Variants in SERINC5 observed in about 807,000 individuals in gnomAD.
SERINC5 encodes the protein serine incorporator 5, also known as chromosome 5 open reading frame 12.
Under a neutral mutation model 63.1 loss-of-function variants are expected in SERINC5, and 41 were observed. The ratio of observed to expected loss-of-function variants is 0.65; its 90% CI spans 0.51 to 0.84. SERINC5 has a LOEUF of 0.84. Ranked by LOEUF, SERINC5 falls within the 40% of genes least tolerant of loss-of-function variation. SERINC5 has a pLI of 0.00. For synonymous variants in SERINC5, 222 were observed against 215.2 expected (o/e 1.03, Z -0.28); for missense variants, 523 against 573.0 (o/e 0.91, Z 0.89).
chr5:80,247,423 A>C (rs1752213710), intron 1 of SERINC5, among the ~76,000 whole-genome samples: 1 of 152,192 alleles, frequency 6.6e-6, no homozygotes, highest in East Asian at 1.9e-4. Flanking sequence ...TTTAATTAGC[A>C]CAGAGAGATG....
In SERINC5 at chr5:80,165,640, C is replaced by T. The variant is rs559430750; in HGVS notation, c.859+743G>A. 3.3e-5 allele frequency among the ~76,000 whole-genome samples: 5 copies of T among 152,278 alleles called. No homozygotes were observed. The East Asian group carries it at 9.6e-4, about 29-fold the overall frequency. The stretch of plus-strand genomic sequence containing the variant: ...CTCTGTAAATAAATGTCATTTAAGA[C>T]GAGTGGTTTGAGGTCACATAGCCAG... On this transcript the variant is annotated intron_variant, in intron 7 of 11. Coordinates refer to ENST00000507668, the MANE Select transcript of SERINC5 (RefSeq NM_001174072.3).
chr5:80,208,496 A>G (rs1750279286), intron 1 of SERINC5, among the ~76,000 whole-genome samples: 1 of 152,182 alleles, frequency 6.6e-6, no homozygotes, highest in Admixed American at 6.5e-5. Flanking sequence ...GTGAAGTCAC[A>G]GTGGCAACAC....
intron 1 of SERINC5, among the ~76,000 whole-genome samples, chr5:80,227,488 C>G (rs1751220621): frequency 1.3e-5 from 2 of 151,822 alleles, no homozygotes; most frequent in South Asian, 4.2e-4. Context: ...CAGCCGGGAG[C>G]AGCGGCTCAC....
intron 12 of SERINC5, among the ~76,000 whole-genome samples, chr5:80,113,135 C>CT (rs1188495400): frequency 3.3e-5 from 5 of 152,210 alleles, no homozygotes; most frequent in South Asian, 2.1e-4. Flanking sequence ...CCTATAATCT[C>CT]TTTTTTTCCT....
intron 1 of SERINC5, among the ~76,000 whole-genome samples, chr5:80,237,199 G>C (rs11738314): frequency 0.35 from 52,879 of 152,148 alleles, 10,046 homozygotes; most frequent in East Asian, 0.53. Context: ...TAAAGGCAGG[G>C]GCAGTGTTTT....
chr5:80,252,901 A>C (rs1752493777), intron 1 of SERINC5, among the ~76,000 whole-genome samples: 1 of 152,208 alleles, frequency 6.6e-6, no homozygotes, highest in South Asian at 2.1e-4. Flanking sequence ...TCCGCAGTTA[A>C]AGAAAGTCAC....
At chr5:80,225,370 C>T (rs1011833694) in intron 1 of SERINC5, among the ~76,000 whole-genome samples, 9 of 152,150 alleles carry the variant, frequency 5.9e-5, no homozygotes, top group Admixed American at 4.6e-4. Context: ...CAGGTGACTC[C>T]TAAGTCCATT....
intron 8 of SERINC5, among the ~76,000 whole-genome samples, chr5:80,154,127 A>C (rs1207455271): frequency 6.6e-6 from 1 of 152,068 alleles, no homozygotes; most frequent in Non-Finnish European, 1.5e-5. Context: ...CCCAAAGGAG[A>C]CCTGAGCTCT....
chr5:80,202,099 G>A (rs747143200), intron 2 of SERINC5, among the ~76,000 whole-genome samples: 14 of 152,020 alleles, frequency 9.2e-5, no homozygotes, highest in South Asian at 2.1e-4. Flanking sequence ...TTAGCTGGCC[G>A]TGGTGGGGGG....
chr5:80,143,592 C>CG lies in SERINC5; in HGVS notation c.*70dup. On this transcript the variant is annotated 3_prime_UTR_variant, in exon 12 of 12. Transcript: ENST00000507668. Reference sequence around the variant, plus strand: ...AGGCACAGGGCGCCAGTCCCTGCCCCGGGGACACTGTTCAAAAGATGGCAC... The same window carrying CG: ...AGGCACAGGGCGCCAGTCCCTGCCCCGGGGGACACTGTTCAAAAGATGGCAC... The CG allele has an allele frequency of 6.0e-6, 9 of 1,497,592 alleles. No homozygotes were observed. Among genetic ancestry groups the CG allele is most frequent in the Non-Finnish European group, 6.2e-6 (7 of 1,122,168 alleles). 92.8% of individuals were successfully genotyped at this position (1,497,592 alleles called of 1,614,324 possible).
intron 7 of SERINC5, among the ~76,000 whole-genome samples, chr5:80,160,703 T>C (rs575382547): frequency 6.6e-6 from 1 of 152,162 alleles, no homozygotes; most frequent in East Asian, 1.9e-4. Context: ...CCCTCCCTCC[T>C]TCCTATGTTT....
intron 11 of SERINC5, among the ~76,000 whole-genome samples, chr5:80,122,197 G>GTGTATATATATATATATA (rs1554057294): frequency 8.6e-6 from 1 of 116,732 alleles, no homozygotes; most frequent in Non-Finnish European, 1.7e-5. Context: ...AGAACTAATA[G>GTGTATATATATATATATA]TATATATATA....
At chr5:80,164,151 T>C (rs533387544) in intron 7 of SERINC5, among the ~76,000 whole-genome samples, 16 of 152,328 alleles carry the variant, frequency 1.1e-4, no homozygotes, top group Non-Finnish European at 1.5e-4. Flanking sequence ...AAGTTCATAA[T>C]AGTCTGTAAT....
chr5:80,211,860 G>T (rs1229930932), intron 1 of SERINC5, among the ~76,000 whole-genome samples: 1 of 152,202 alleles, frequency 6.6e-6, no homozygotes, highest in African/African-American at 2.4e-5. Context: ...ACTTAGGAAT[G>T]AAAGAAGTAT....
At chr5:80,145,847 T>C (rs1305796443) in intron 11 of SERINC5, among the ~76,000 whole-genome samples, 1 of 152,106 alleles carries the variant, frequency 6.6e-6, no homozygotes, top group Non-Finnish European at 1.5e-5. Flanking sequence ...CCGTCTCAAC[T>C]AAAAATATAA....
At chr5:80,209,503 A>T (rs746862477) in intron 1 of SERINC5, among the ~76,000 whole-genome samples, 2 of 152,200 alleles carry the variant, frequency 1.3e-5, no homozygotes, top group African/African-American at 4.8e-5. Flanking sequence ...CCACCCAGTC[A>T]GTGTGACTTT....
At chr5:80,186,242 T>C (rs1748798753) in intron 2 of SERINC5, among the ~76,000 whole-genome samples, 2 of 151,628 alleles carry the variant, frequency 1.3e-5, no homozygotes, top group Non-Finnish European at 2.9e-5. Context: ...GTTCAAGTGA[T>C]TCTCCTGCCT....
rs551854050 is a variant in SERINC5 at position 80,140,945 on chromosome 5, TATCAGTGAGTTA to T, written c.*2706_*2717del. 24 of 985,374 alleles carry T rather than the reference TATCAGTGAGTTA, an allele frequency of 2.4e-5. No individual in the cohort carries two copies. The African/African-American group carries it at 4.0e-4, about 16-fold the overall frequency. The allele number at this position is 985,374 out of a possible 1,614,324, so 61.0% of individuals were successfully genotyped here. A position where few individuals can be genotyped will look rare whatever the true frequency, so the allele number is the denominator to read the frequency against. ...GCAAATGTCTATTATTTTTAAAAGA[TATCAGTGAGTTA>T]ATCAAATTAACACCGTTGTTATAGG... is the stretch of plus-strand genomic sequence containing the variant. On this transcript the variant is annotated 3_prime_UTR_variant, in exon 12 of 12. Transcript: ENST00000507668.
intron 1 of SERINC5, among the ~76,000 whole-genome samples, chr5:80,211,041 C>T (rs1319365712): frequency 1.3e-5 from 2 of 152,142 alleles, no homozygotes; most frequent in African/African-American, 2.4e-5. Flanking sequence ...GTCAACCCTG[C>T]AAGAGGTAAC....
Sources: allele counts gnomAD v4.1 joint callset (sites outside exome capture counted in the v4.1 genomes callset), GRCh38; gene constraint gnomAD v4.1.1; transcripts MANE v1.5; gene names NCBI Gene and HGNC (gene_info 2026-07-23, HGNC 2026-07-21).